The following PHF21A variants were observed in gnomAD, a reference collection of about 807,000 sequenced individuals.
PHF21A encodes BHC80a.
In PHF21A, 11 loss-of-function variants were observed where a neutral mutation model predicts 82.5. The observed-to-expected ratio is 0.13, with a 90% CI of 0.08 to 0.22. The LOEUF is 0.22. Ranked by LOEUF, PHF21A falls within the 10% of genes least tolerant of loss-of-function variation. The probability of loss-of-function intolerance (pLI) is 1.00; values close to 1 mark genes in which losing one functional copy is unlikely to be tolerated. For synonymous variants in PHF21A, 297 were observed against 302.8 expected (o/e 0.98, Z 0.20); for missense variants, 579 against 837.8 (o/e 0.69, Z 3.81).
chr11:45,975,307 C>T (rs1430240144), intron 7 of PHF21A, among the ~76,000 whole-genome samples: 1 of 142,084 alleles, frequency 7.0e-6, no homozygotes, highest in Non-Finnish European at 1.5e-5. Flanking sequence ...CAGTGAGACC[C>T]TGTCTCAAAG....
intron 18 of PHF21A, chr11:45,934,721 C>A: frequency 3.2e-6 from 1 of 316,410 alleles, no homozygotes; most frequent in Non-Finnish European, 6.2e-6. Flanking sequence ...AGACGACAGG[C>A]CAGCAGCATT....
chr11:45,970,213 T>G (rs1307383293), intron 8 of PHF21A: 1 of 282,654 alleles, frequency 3.5e-6, no homozygotes, highest in Non-Finnish European at 6.7e-6. Context: ...ATTTTAAAAG[T>G]CAAGACTGGA....
chr11:46,082,928 A>C (rs2096810283), intron 4 of PHF21A, among the ~76,000 whole-genome samples: 2 of 152,176 alleles, frequency 1.3e-5, no homozygotes, highest in African/African-American at 4.8e-5. Flanking sequence ...CAAAAATCAC[A>C]CACAACATCA....
chr11:46,103,588 T>C (rs1322369482), intron 1 of PHF21A, among the ~76,000 whole-genome samples: 1 of 152,176 alleles, frequency 6.6e-6, no homozygotes, highest in Non-Finnish European at 1.5e-5. Flanking sequence ...AACACACCTA[T>C]TCACCTACTA....
At chr11:46,083,028 GAATTT>G (rs1272338231) in intron 4 of PHF21A, among the ~76,000 whole-genome samples, 1 of 152,096 alleles carries the variant, frequency 6.6e-6, no homozygotes, top group Non-Finnish European at 1.5e-5. Flanking sequence ...AATAAAATGT[GAATTT>G]AATTTTTATC....
chr11:45,949,713 A>G (rs2091852177), intron 12 of PHF21A, among the ~76,000 whole-genome samples: 1 of 152,238 alleles, frequency 6.6e-6, no homozygotes, highest in Non-Finnish European at 1.5e-5. Flanking sequence ...TGAGAGTTTA[A>G]CAATAGACAA....
chr11:46,054,159 G>A (rs1393058923), intron 6 of PHF21A, among the ~76,000 whole-genome samples: 4 of 152,128 alleles, frequency 2.6e-5, no homozygotes, highest in African/African-American at 9.7e-5. Flanking sequence ...AGTAAAAGTT[G>A]TATTCCTCTA....
At chr11:46,108,459 T>C (rs2097175479) in intron 1 of PHF21A, among the ~76,000 whole-genome samples, 1 of 151,892 alleles carries the variant, frequency 6.6e-6, no homozygotes, top group African/African-American at 2.4e-5. Context: ...ACTTCCCACA[T>C]GAGCCCTATT....
chr11:46,060,839 A>G (rs1183310221), intron 6 of PHF21A, among the ~76,000 whole-genome samples: 1 of 152,100 alleles, frequency 6.6e-6, no homozygotes, highest in Non-Finnish European at 1.5e-5. Flanking sequence ...CCCATTTGTC[A>G]ATTTTTGCTC....
chr11:46,048,644 C>A (rs1449960995), intron 6 of PHF21A, among the ~76,000 whole-genome samples: 2 of 152,070 alleles, frequency 1.3e-5, no homozygotes, highest in Non-Finnish European at 1.5e-5. Flanking sequence ...GTGGCATACA[C>A]CTGTAATCCC....
intron 6 of PHF21A, among the ~76,000 whole-genome samples, chr11:46,071,271 T>C (rs962316023): frequency 1.3e-5 from 2 of 152,216 alleles, no homozygotes; most frequent in African/African-American, 4.8e-5. Context: ...CCCAGGTAGC[T>C]GCTGTCCCTT....
chr11:46,104,489 C>T (rs572319221), intron 1 of PHF21A, among the ~76,000 whole-genome samples: 80 of 152,240 alleles, frequency 5.3e-4, no homozygotes, highest in South Asian at 4.6e-3. Context: ...TTAAAACTGA[C>T]ATATTCCCAT....
At chr11:46,005,948 AC>A (rs1032578176) in intron 6 of PHF21A, among the ~76,000 whole-genome samples, 9 of 152,200 alleles carry the variant, frequency 5.9e-5, no homozygotes, top group African/African-American at 2.2e-4. Context: ...AATAAAACAT[AC>A]AATTTTAAAA....
intron 6 of PHF21A, among the ~76,000 whole-genome samples, chr11:45,980,278 G>A (rs938901161): frequency 5.9e-5 from 9 of 152,128 alleles, no homozygotes; most frequent in East Asian, 3.8e-4. Context: ...AGTATACAAC[G>A]TAGCAGTAAA....
At chr11:45,959,197 A>C (rs928651119) in intron 10 of PHF21A, among the ~76,000 whole-genome samples, 22 of 152,180 alleles carry the variant, frequency 1.4e-4, no homozygotes, top group African/African-American at 5.3e-4. Flanking sequence ...CATTTGTCAA[A>C]ATCTAGCACC....
At chr11:45,956,429 A>C (rs1021405916) in intron 10 of PHF21A, among the ~76,000 whole-genome samples, 2 of 152,142 alleles carry the variant, frequency 1.3e-5, no homozygotes, top group African/African-American at 4.8e-5. Flanking sequence ...ATAGGAGCAG[A>C]GCTTCTTTTT....
chr11:46,080,803 G>A (rs2096782253), intron 4 of PHF21A, among the ~76,000 whole-genome samples: 1 of 151,870 alleles, frequency 6.6e-6, no homozygotes, highest in South Asian at 2.1e-4. Context: ...AAGTAGTTGG[G>A]ACTACAGGTG....
intron 6 of PHF21A, among the ~76,000 whole-genome samples, chr11:45,985,102 C>T (rs781323165): frequency 3.9e-5 from 6 of 152,090 alleles, no homozygotes; most frequent in Non-Finnish European, 8.8e-5. Flanking sequence ...AAATTTTACG[C>T]GTATGGAAAA....
intron 1 of PHF21A, among the ~76,000 whole-genome samples, chr11:46,094,664 C>T (rs376758846): frequency 1.3e-5 from 2 of 152,026 alleles, no homozygotes; most frequent in African/African-American, 4.8e-5. Flanking sequence ...GGGTGGATCA[C>T]GAGATCAGGA....
Sources: gnomAD v4.1 joint callset for allele counts (sites outside exome capture counted in the v4.1 genomes callset) on GRCh38, gnomAD v4.1.1 for gene constraint, MANE v1.5 for transcripts, NCBI Gene and HGNC (gene_info 2026-07-23, HGNC 2026-07-21) for gene names.